The following DST variants were observed in gnomAD, a reference collection of about 807,000 sequenced individuals.
The protein encoded by DST is bullous pemphigoid antigen.
DST carries 253 observed loss-of-function variants against 875.2 expected under a neutral mutation model. That is an observed-to-expected ratio of 0.29 (90% CI 0.26 to 0.32). The LOEUF (loss-of-function observed/expected upper bound fraction) is 0.32, where lower values mean the gene tolerates loss of function less well. DST is among the 10% of genes least tolerant of loss of function. The pLI is 1.00. For missense variants in DST, 8,287 were observed against 9,111.6 expected (o/e 0.91, Z 3.68); for synonymous variants, 3,124 against 3,197.1 (o/e 0.98, Z 0.77).
At chr6:56,692,825 G>GT in intron 9 of DST, 3 of 1,289,826 alleles carry the variant, frequency 2.3e-6, no homozygotes, top group Non-Finnish European at 3.0e-6. Context: ...AGAAGTTTCT[G>GT]TTTAACGCTG....
chr6:56,678,761 A>G (rs2099142699), intron 9 of DST, among the ~76,000 whole-genome samples: 1 of 152,188 alleles, frequency 6.6e-6, no homozygotes, highest in Admixed American at 6.5e-5. Context: ...ACATTAACCA[A>G]TAAAGATAAC....
At chr6:56,527,438 A>G in intron 68 of DST, 55 bp downstream of exon 68, 6 of 1,574,658 alleles carry the variant, frequency 3.8e-6, no homozygotes, top group Non-Finnish European at 5.2e-6. Flanking sequence ...TTTTGTGTGA[A>G]TAAGACTGCC....
At chr6:56,582,089 G>A (rs924817560) in intron 49 of DST, among the ~76,000 whole-genome samples, 1 of 151,528 alleles carries the variant, frequency 6.6e-6, no homozygotes, top group Non-Finnish European at 1.5e-5. Context: ...TCTCTCTCTT[G>A]GATTGTTGAA....
At chr6:56,816,739 T>C (rs1357542748) in intron 4 of DST, among the ~76,000 whole-genome samples, 1 of 152,174 alleles carries the variant, frequency 6.6e-6, no homozygotes, top group Non-Finnish European at 1.5e-5. Context: ...GGTTGGTCTA[T>C]GTTTCCCTTA....
At chr6:56,564,609 C>T (rs773012847) in intron 55 of DST, among the ~76,000 whole-genome samples, 8 of 152,080 alleles carry the variant, frequency 5.3e-5, no homozygotes, top group Non-Finnish European at 1.0e-4. Flanking sequence ...CAATACTATG[C>T]TGAATAGGAC....
At chr6:56,828,133 G>A (rs2099783004) in intron 4 of DST, among the ~76,000 whole-genome samples, 1 of 152,194 alleles carries the variant, frequency 6.6e-6, no homozygotes, top group South Asian at 2.1e-4. Context: ...TCAAAATGCA[G>A]GCCATGGGGA....
intron 4 of DST, among the ~76,000 whole-genome samples, chr6:56,790,236 T>A (rs747391254): frequency 4.6e-5 from 7 of 152,130 alleles, no homozygotes; most frequent in Non-Finnish European, 1.0e-4. Context: ...TGATTTCTCA[T>A]TTATATAGTT....
chr6:56,549,420 C>T (rs2097283210), intron 61 of DST, among the ~76,000 whole-genome samples: 1 of 152,124 alleles, frequency 6.6e-6, no homozygotes, highest in South Asian at 2.1e-4. Context: ...ATTTAAAAAA[C>T]TTTCCAAAAA....
chr6:56,809,238 A>T (rs890528970), intron 4 of DST, among the ~76,000 whole-genome samples: 7 of 152,092 alleles, frequency 4.6e-5, no homozygotes, highest in Admixed American at 4.6e-4. Flanking sequence ...TCCAAAGTCA[A>T]TCTCATCAGT....
rs774447036 is a variant in DST at position 56,699,639 on chromosome 6, A to C, written c.1047+14T>G. On this transcript the variant is annotated intron_variant, in intron 9 of 103. Coordinates refer to ENST00000680361, the MANE Select transcript of DST (RefSeq NM_001374736.1). ...TAGCAATTAGATGCTGAAATTAAGA[A>C]AATTTGGGCTTACCTGAAAGTGCAA... The C allele has an allele frequency of 6.3e-6, 9 of 1,431,366 alleles. No individual in the cohort carries two copies. The highest frequency in any genetic ancestry group is 8.5e-6 in the Non-Finnish European group (9 of 1,055,710). 88.7% of individuals were successfully genotyped at this position (1,431,366 alleles called of 1,614,324 possible).
At chr6:56,563,945 T>C (rs1429723928) in intron 55 of DST, among the ~76,000 whole-genome samples, 1 of 152,256 alleles carries the variant, frequency 6.6e-6, no homozygotes, top group African/African-American at 2.4e-5. Context: ...ATGTCTGTTT[T>C]GGTACCAGTA....
At chr6:56,953,660 T>G (rs1823538446) in intron 2 of DST, 125 bp downstream of exon 2, 1 of 635,352 alleles carries the variant, frequency 1.6e-6, no homozygotes, top group East Asian at 7.1e-5. Flanking sequence ...CATGCCACTT[T>G]CGGCTAGGGG....
chr6:56,690,005 T>C (rs558017952), intron 9 of DST, among the ~76,000 whole-genome samples: 1 of 152,328 alleles, frequency 6.6e-6, no homozygotes, highest in South Asian at 2.1e-4. Flanking sequence ...CATTACTCCT[T>C]GTCTCCCAAA....
rs766054010 is a variant in DST at position 56,604,660 on chromosome 6, ATTCT to A, written c.9964_9967del (p.Arg3322LeufsTer33). On this transcript the variant is annotated frameshift_variant, in exon 40 of 104. Transcript: ENST00000680361. LOFTEE classifies it high-confidence loss of function. ...TTGTTCTTTTGGTAGCTGTTGCTCA[ATTCT>A]TTCTTTCTTATTATTAATTTCTAAG... 2 of 1,612,182 alleles carry A rather than the reference ATTCT, an allele frequency of 1.2e-6. No homozygotes were observed. The highest frequency in any genetic ancestry group is 1.7e-6 in the Non-Finnish European group (2 of 1,178,992).
At chr6:56,918,817 G>A (rs1802630747) in intron 2 of DST, among the ~76,000 whole-genome samples, 1 of 152,040 alleles carries the variant, frequency 6.6e-6, no homozygotes, top group East Asian at 1.9e-4. Flanking sequence ...TGCTTAACCC[G>A]GGCGACAGAG....
Position 56,506,689 on chromosome 6 carries a change from A to G in DST, c.19340T>C (p.Ile6447Thr). 1.9e-6 allele frequency: 3 copies of G among 1,613,608 alleles called. No homozygotes were observed. The highest frequency in any genetic ancestry group is 2.5e-6 in the Non-Finnish European group (3 of 1,179,686). ...TACCTCATCTATACTCTTCTTGACA[A>G]TGGGTTTATCAGGCTCCCCACATGC... is the stretch of plus-strand genomic sequence containing the variant. The part of the protein sequence containing the change: ...IAACGEPDKP[I>T]VKKSIDELNS... Residue 6447 changes from isoleucine (I) to threonine (T), a missense_variant, in exon 76 of 104, where the codon ATT becomes ACT. Around this residue, in one of 10 missense-constraint regions of DST, gnomAD observed 1,292 missense variants for 1,552.7 expected, o/e 0.83. Coordinates refer to ENST00000680361, the MANE Select transcript of DST (RefSeq NM_001374736.1).
At chr6:56,530,650 C>T (rs748931728) in intron 64 of DST, among the ~76,000 whole-genome samples, 6 of 152,068 alleles carry the variant, frequency 3.9e-5, no homozygotes, top group African/African-American at 9.7e-5. Context: ...TTTATAAAAG[C>T]GCAGGGTTAG....
Position 56,487,239 on chromosome 6 carries a change from A to T in DST, c.20912T>A (p.Val6971Asp). Reference protein sequence around the residue: ...FQKSLGAKHSVYDTTNRTGRS... With the variant: ...FQKSLGAKHSDYDTTNRTGRS... ...TCCAGTCCTGTTGGTGGTGTCGTAG[A>T]CAGAATGCTTGGCTCCGAGTGATTT... Residue 6971 changes from valine to aspartate, a missense_variant, in exon 87 of 104, where the codon GTC becomes GAC. Coordinates refer to ENST00000680361, the MANE Select transcript of DST (RefSeq NM_001374736.1). The T allele has an allele frequency of 6.3e-7, 1 of 1,597,752 alleles. No homozygotes were observed. The highest frequency in any genetic ancestry group is 2.2e-5 in the East Asian group (1 of 44,522).
rs1272559843 is a variant in DST at position 56,605,800 on chromosome 6, T to C, written c.8828A>G (p.Asn2943Ser). The change falls in exon 40 of 104, where the codon AAT becomes AGT. Residue 2943 changes from asparagine to serine, a missense_variant. This residue lies in a region of DST where 3,138 missense variants were observed against 3,116.6 expected (regional missense o/e 1.01). Transcript: ENST00000680361. ...TFGPASISHD[N>S]NNISSTSELG... ...TTCAGAAGTTGAACTGATATTATTA[T>C]TATCATGTGAAATACTTGCAGGGCC... is the stretch of plus-strand genomic sequence containing the variant. The C allele has an allele frequency of 7.4e-6, 12 of 1,612,560 alleles. No homozygotes were observed. Among genetic ancestry groups the C allele is most frequent in the Non-Finnish European group, 1.0e-5 (12 of 1,179,194 alleles).
Sources: allele counts gnomAD v4.1 joint callset (sites outside exome capture counted in the v4.1 genomes callset), GRCh38; gene constraint gnomAD v4.1.1; regional missense constraint gnomAD v4.1.1; transcripts MANE v1.5; gene names NCBI Gene and HGNC (gene_info 2026-07-23, HGNC 2026-07-21).